Variants in CA10 observed in about 807,000 individuals in gnomAD.
CA10 encodes the protein carbonic anhydrase 10 (inactive), also known as carbonic anhydrase-related protein 10.
A neutral mutation model predicts 44.2 loss-of-function variants in CA10; 14 were observed. The observed-to-expected ratio is 0.32, with a 90% CI of 0.21 to 0.50. The LOEUF (loss-of-function observed/expected upper bound fraction) is 0.50, where lower values mean the gene tolerates loss of function less well. Ranked by LOEUF, CA10 falls within the 20% of genes least tolerant of loss-of-function variation. The pLI, the probability that CA10 is intolerant of heterozygous loss-of-function variation, is 0.99. For synonymous variants in CA10, 159 were observed against 141.6 expected (o/e 1.12, Z -0.87); for missense variants, 350 against 409.7 (o/e 0.85, Z 1.26).
chr17:51,674,695 T>C (rs1282242218), intron 4 of CA10, among the ~76,000 whole-genome samples: 1 of 152,224 alleles, frequency 6.6e-6, no homozygotes, highest in Non-Finnish European at 1.5e-5. Flanking sequence ...TGCTGGTAAA[T>C]TGGCACAATA....
At chr17:51,688,655 A>T (rs911689606) in intron 4 of CA10, among the ~76,000 whole-genome samples, 2 of 152,212 alleles carry the variant, frequency 1.3e-5, no homozygotes, top group African/African-American at 4.8e-5. Flanking sequence ...GATTTGCAGT[A>T]CCATCTTCTA....
At chr17:51,927,960 GA>G (rs1982498192) in intron 3 of CA10, among the ~76,000 whole-genome samples, 1 of 152,170 alleles carries the variant, frequency 6.6e-6, no homozygotes, top group African/African-American at 2.4e-5. Context: ...AAAGGGTGGA[GA>G]TTGGTTCCAA....
At chr17:51,795,433 A>T (rs979829965) in intron 3 of CA10, among the ~76,000 whole-genome samples, 6 of 152,008 alleles carry the variant, frequency 3.9e-5, no homozygotes, top group African/African-American at 9.7e-5. Context: ...AGAGAAAAGG[A>T]AACACATTTT....
chr17:52,076,735 G>T (rs1276465288), intron 1 of CA10, among the ~76,000 whole-genome samples: 2 of 152,134 alleles, frequency 1.3e-5, no homozygotes, highest in African/African-American at 4.8e-5. Context: ...ATTATAGATG[G>T]ATCTCCTAGA....
At chr17:52,090,333 T>G (rs556659407) in intron 1 of CA10, among the ~76,000 whole-genome samples, 21 of 152,276 alleles carry the variant, frequency 1.4e-4, no homozygotes, top group African/African-American at 5.1e-4. Flanking sequence ...ACAAGATTTT[T>G]TAAAAAGACT....
intron 3 of CA10, among the ~76,000 whole-genome samples, chr17:51,881,211 G>C (rs1274894402): frequency 7.4e-6 from 1 of 135,534 alleles, no homozygotes; most frequent in Non-Finnish European, 1.5e-5. Flanking sequence ...CTGCACTCCA[G>C]CCTGGGCGAC....
At chr17:51,639,467 C>G (rs1912985305) in intron 6 of CA10, among the ~76,000 whole-genome samples, 1 of 152,016 alleles carries the variant, frequency 6.6e-6, no homozygotes, top group Admixed American at 6.6e-5. Flanking sequence ...AGGCTAGGAG[C>G]AAGAGTCAAA....
intron 3 of CA10, among the ~76,000 whole-genome samples, chr17:51,889,763 T>A (rs1980775509): frequency 6.6e-6 from 1 of 152,210 alleles, no homozygotes. Context: ...AACTACAAAT[T>A]TCTAATGGAA....
At position 51,991,873 on chromosome 17, in the gene CA10, C is replaced by G. The variant is rs144341127; in HGVS notation, c.137-60741G>C. 1.8e-3 allele frequency among the ~76,000 whole-genome samples: 274 copies of G among 152,100 alleles called. 4 individuals carry two copies. The South Asian group carries it at 0.022, about 12-fold the overall frequency. On this transcript the variant is annotated intron_variant, in intron 2 of 8. Transcript: ENST00000451037. ...TTCCTAAAGTCTTTGGAAAACTTTC[C>G]ATAACCACCCCTCCTCTGCCCACTC... is the stretch of plus-strand genomic sequence containing the variant.
At chr17:51,907,409 C>CT (rs1361240908) in intron 3 of CA10, among the ~76,000 whole-genome samples, 1 of 152,028 alleles carries the variant, frequency 6.6e-6, no homozygotes, top group Non-Finnish European at 1.5e-5. Context: ...CAACCCTGGC[C>CT]TTTTTTCATT....
chr17:51,700,234 T>C (rs1316263777), intron 4 of CA10, among the ~76,000 whole-genome samples: 1 of 152,202 alleles, frequency 6.6e-6, no homozygotes, highest in African/African-American at 2.4e-5. Flanking sequence ...CAGGTCTCAC[T>C]GCTGTCTTTG....
intron 3 of CA10, among the ~76,000 whole-genome samples, chr17:51,867,095 CT>C (rs1344329977): frequency 6.6e-6 from 1 of 151,988 alleles, no homozygotes; most frequent in Admixed American, 6.6e-5. Context: ...AAAAAAGAGC[CT>C]CTAAATTGAG....
intron 2 of CA10, among the ~76,000 whole-genome samples, chr17:51,973,037 G>T (rs1208450047): frequency 6.6e-6 from 1 of 152,062 alleles, no homozygotes; most frequent in Admixed American, 6.6e-5. Context: ...CATTCTACAG[G>T]GTCTCAATCT....
intron 1 of CA10, among the ~76,000 whole-genome samples, chr17:52,129,456 T>C (rs8072507): frequency 0.25 from 37,674 of 152,108 alleles, 5,554 homozygotes; most frequent in South Asian, 0.38. Flanking sequence ...ATCCTCGTTA[T>C]GGATATGAGA....
chr17:51,695,906 A>G (rs939439562), intron 4 of CA10, among the ~76,000 whole-genome samples: 6 of 151,968 alleles, frequency 3.9e-5, no homozygotes, highest in African/African-American at 1.2e-4. Flanking sequence ...ATCTTTTTCT[A>G]TATCTATTGA....
chr17:51,838,268 C>T (rs914628093), intron 3 of CA10, among the ~76,000 whole-genome samples: 2 of 152,190 alleles, frequency 1.3e-5, no homozygotes, highest in African/African-American at 4.8e-5. Flanking sequence ...TTCTACTAAA[C>T]CATCTTGCCT....
chr17:52,095,272 T>C lies in CA10; in HGVS notation c.62-22879A>G, dbSNP rs573780587. On this transcript the variant is annotated intron_variant, in intron 1 of 8. Coordinates refer to ENST00000451037, the MANE Select transcript of CA10 (RefSeq NM_020178.5). Reference sequence around the variant, plus strand: ...TTTTAAAACAGGCAAAACAAGTTCATAGTTATAAAGGTCAGAATATTTTTT... The same window carrying C: ...TTTTAAAACAGGCAAAACAAGTTCACAGTTATAAAGGTCAGAATATTTTTT... 1.9e-3 allele frequency among the ~76,000 whole-genome samples: 283 copies of C among 152,160 alleles called. 1 individual carries two copies. The highest frequency in any genetic ancestry group is 6.5e-3 in the African/African-American group (270 of 41,494).
chr17:51,984,543 A>G (rs1015501185), intron 2 of CA10, among the ~76,000 whole-genome samples: 3 of 151,980 alleles, frequency 2.0e-5, no homozygotes, highest in Non-Finnish European at 4.4e-5. Flanking sequence ...CAAACAGACA[A>G]AAAATACAAA....
intron 4 of CA10, among the ~76,000 whole-genome samples, chr17:51,739,848 T>C (rs1270710810): frequency 6.6e-6 from 1 of 152,184 alleles, no homozygotes; most frequent in Non-Finnish European, 1.5e-5. Flanking sequence ...TGGGACTGGC[T>C]CTTAGAATCT....
Sources: allele counts gnomAD v4.1 joint callset (sites outside exome capture counted in the v4.1 genomes callset), GRCh38; gene constraint gnomAD v4.1.1; transcripts MANE v1.5; gene names NCBI Gene and HGNC (gene_info 2026-07-23, HGNC 2026-07-21).